The following TUB variants were observed in gnomAD, a reference collection of about 807,000 sequenced individuals.
TUB encodes tubby protein homolog.
A neutral mutation model predicts 59.7 loss-of-function variants in TUB; 33 were observed. That is an observed-to-expected ratio of 0.55 (90% CI 0.42 to 0.74). The LOEUF is 0.74. Ranked by LOEUF, TUB falls within the 30% of genes least tolerant of loss-of-function variation. TUB has a pLI of 0.00. For synonymous variants in TUB, 293 were observed against 256.4 expected, an observed-to-expected ratio of 1.14 and a Z score of -1.36; for missense variants, 659 against 672.0, an observed-to-expected ratio of 0.98 and a Z score of 0.21.
intron 2 of TUB, 79 bp from the exon 3 acceptor site, chr11:8,089,990 G>A (rs1943740058): frequency 5.4e-6 from 8 of 1,470,500 alleles, no homozygotes; most frequent in Non-Finnish European, 7.2e-6. Flanking sequence ...GCCCAAGGTG[G>A]GCTGTGGACC....
intron 2 of TUB, among the ~76,000 whole-genome samples, chr11:8,058,139 G>C (rs567673484): frequency 3.3e-5 from 5 of 149,660 alleles, no homozygotes; most frequent in Admixed American, 3.3e-4. Context: ...TTGAGCCTAG[G>C]AGGTCAAGGC....
intron 2 of TUB, among the ~76,000 whole-genome samples, chr11:8,049,256 A>T (rs912168756): frequency 6.6e-6 from 1 of 152,098 alleles, no homozygotes; most frequent in Non-Finnish European, 1.5e-5. Flanking sequence ...CCCAACCCCC[A>T]TCCAGTAGGA....
chr11:8,101,974 A>C lies in TUB; in HGVS notation c.*355A>C. On this transcript the variant is annotated 3_prime_UTR_variant, in exon 12 of 12. Transcript: ENST00000299506. Reference sequence around the variant, plus strand: ...CAAGAGGCATAGAGGGAGAGGAAGCACACTGCAGGGCTGCTGTGGCCCAGT... The same window carrying C: ...CAAGAGGCATAGAGGGAGAGGAAGCCCACTGCAGGGCTGCTGTGGCCCAGT... 3.5e-6 allele frequency: 1 copy of C among 286,600 alleles called. No homozygotes were observed. The highest frequency in any genetic ancestry group is 6.7e-6 in the Non-Finnish European group (1 of 150,334). 17.8% of individuals were successfully genotyped at this position (286,600 alleles called of 1,614,324 possible). A position where few individuals can be genotyped will look rare whatever the true frequency, so the allele number is the denominator to read the frequency against.
chr11:8,074,734 C>T (rs1262805168), intron 2 of TUB, among the ~76,000 whole-genome samples: 2 of 138,310 alleles, frequency 1.4e-5, no homozygotes, highest in Non-Finnish European at 1.5e-5. Flanking sequence ...AGTGAGACCT[C>T]GTGTCTTTTT....
At chr11:8,072,966 C>T (rs541682335) in intron 2 of TUB, among the ~76,000 whole-genome samples, 24 of 152,298 alleles carry the variant, frequency 1.6e-4, no homozygotes, top group African/African-American at 4.6e-4. Flanking sequence ...TATCAGAGAA[C>T]GTTTAGTGCT....
intron 2 of TUB, among the ~76,000 whole-genome samples, chr11:8,041,736 C>G (rs962148919): frequency 1.2e-4 from 18 of 152,200 alleles, no homozygotes; most frequent in African/African-American, 3.6e-4. Flanking sequence ...TGTTGCTTGT[C>G]ACTTCAACTG....
intron 8 of TUB, 115 bp downstream of exon 8, chr11:8,097,941 C>T: frequency 7.9e-6 from 6 of 760,216 alleles, no homozygotes; most frequent in Non-Finnish European, 1.1e-5. Flanking sequence ...GGATACTCTC[C>T]CAGGATCCTC....
upstream of TUB, among the ~76,000 whole-genome samples, chr11:8,037,436 A>G (rs1212767251): frequency 1.3e-5 from 2 of 152,130 alleles, no homozygotes; most frequent in African/African-American, 4.8e-5. Flanking sequence ...TTCCATGACC[A>G]CTTACAGTCT....
rs556828409 is a variant in TUB at position 8,105,270 on chromosome 11, T to G, written c.*3651T>G. On this transcript the variant is annotated 3_prime_UTR_variant, in exon 12 of 12. Coordinates refer to ENST00000299506, the MANE Select transcript of TUB (RefSeq NM_177972.3). ...GGCCCTCAGATTACACTTCTCCAGA[T>G]AGCTGAATGAGTCTGCTTTCACTGT... 7.2e-5 allele frequency: 11 copies of G among 152,348 alleles called. No homozygotes were observed. The highest frequency in any genetic ancestry group is 2.6e-4 in the African/African-American group (11 of 41,570). The allele number at this position is 152,348 out of a possible 1,614,324, so 9.4% of individuals were successfully genotyped here.
intron 2 of TUB, among the ~76,000 whole-genome samples, chr11:8,046,807 C>T (rs1246044105): frequency 6.6e-6 from 1 of 152,206 alleles, no homozygotes; most frequent in African/African-American, 2.4e-5. Flanking sequence ...AGTGGATTCT[C>T]TGAAGCAGGG....
intron 1 of TUB, among the ~76,000 whole-genome samples, chr11:8,039,289 T>C (rs1164661680): frequency 6.6e-6 from 1 of 151,974 alleles, no homozygotes; most frequent in African/African-American, 2.4e-5. Flanking sequence ...TAAGGGCCTC[T>C]CCCCCAGCCT....
At chr11:8,033,053 C>T (rs1371636370) in intron 1 of TUB, among the ~76,000 whole-genome samples, 1 of 152,124 alleles carries the variant, frequency 6.6e-6, no homozygotes, top group Admixed American at 6.5e-5. Flanking sequence ...TAGGGAGACC[C>T]TGCCGAACAG....
chr11:8,090,914 T>TG (rs113854550), intron 3 of TUB, among the ~76,000 whole-genome samples: 3 of 152,078 alleles, frequency 2.0e-5, no homozygotes, highest in East Asian at 1.9e-4. Flanking sequence ...ACTGAGGGGT[T>TG]GGGGGTCTCT....
intron 2 of TUB, among the ~76,000 whole-genome samples, chr11:8,074,504 G>A (rs1432859016): frequency 6.6e-6 from 1 of 152,146 alleles, no homozygotes; most frequent in East Asian, 1.9e-4. Context: ...GTGGGAGGCT[G>A]AGGCAGGAGG....
chr11:8,024,264 C>A (rs530008352), intron 1 of TUB, among the ~76,000 whole-genome samples: 4 of 152,294 alleles, frequency 2.6e-5, no homozygotes, highest in African/African-American at 9.6e-5. Flanking sequence ...AATCTCTATC[C>A]CCTTTCTTCT....
chr11:8,100,640 C>T, intron 10 of TUB, 39 bp downstream of exon 10: 2 of 1,592,834 alleles, frequency 1.3e-6, no homozygotes, highest in Non-Finnish European at 8.6e-7. Context: ...TCCCCATCAT[C>T]CTAGTCTCTG....
chr11:8,020,161 C>T (rs1942400986), intron 1 of TUB, among the ~76,000 whole-genome samples: 1 of 152,208 alleles, frequency 6.6e-6, no homozygotes, highest in Non-Finnish European at 1.5e-5. Flanking sequence ...TAAAATGAAA[C>T]CATGATGATA....
Position 8,020,463 on chromosome 11 carries a change from C to G in TUB, c.56+1105C>G, listed in dbSNP as rs73414923. On this transcript the variant is annotated intron_variant, in intron 1 of 11. Transcript: ENST00000534099. ...TTGCCTAGGACCCCTCCTCACCTTC[C>G]CTGAGTCTCGCCCCGTATTAATCCC... Among the ~76,000 whole-genome samples the G allele has an allele frequency of 5.7e-3, 868 of 152,278 alleles. 8 individuals carry two copies. Among genetic ancestry groups the G allele is most frequent in the African/African-American group, 0.018 (750 of 41,548 alleles).
At chr11:8,021,047 A>G (rs1162731994) in intron 1 of TUB, among the ~76,000 whole-genome samples, 2 of 152,252 alleles carry the variant, frequency 1.3e-5, no homozygotes, top group East Asian at 1.9e-4. Context: ...AAGCAAACCT[A>G]TAAAAGCAGA....
Sources: allele counts gnomAD v4.1 joint callset (sites outside exome capture counted in the v4.1 genomes callset), GRCh38; gene constraint gnomAD v4.1.1; transcripts MANE v1.5; gene names NCBI Gene and HGNC (gene_info 2026-07-23, HGNC 2026-07-21).